The following FBXW11 variants were observed in gnomAD, a reference collection of about 807,000 sequenced individuals.
FBXW11 encodes the protein F-box and WD repeat domain containing 11, also known as F-box/WD repeat-containing protein 11.
FBXW11 carries 19 observed loss-of-function variants against 77.6 expected under a neutral mutation model. The ratio of observed to expected loss-of-function variants is 0.24; its 90% CI spans 0.17 to 0.36. FBXW11 has a LOEUF of 0.36. Ranked by LOEUF, FBXW11 falls within the 10% of genes least tolerant of loss-of-function variation. The probability of loss-of-function intolerance (pLI) is 1.00; values close to 1 mark genes in which losing one functional copy is unlikely to be tolerated. For missense variants in FBXW11, 334 were observed against 704.2 expected, an observed-to-expected ratio of 0.47 and a Z score of 5.95; for synonymous variants, 235 against 249.4, an observed-to-expected ratio of 0.94 and a Z score of 0.54.
intron 9 of FBXW11, among the ~76,000 whole-genome samples, chr5:171,875,669 T>C (rs1022450753): frequency 6.6e-6 from 1 of 152,162 alleles, no homozygotes; most frequent in Non-Finnish European, 1.5e-5. Flanking sequence ...AGCTGAGATA[T>C]TGGAATCAGG....
chr5:171,997,983 T>C (rs1483260965), intron 1 of FBXW11, among the ~76,000 whole-genome samples: 1 of 152,156 alleles, frequency 6.6e-6, no homozygotes, highest in Admixed American at 6.5e-5. Context: ...TAATTACCCA[T>C]ATTTAATTCT....
chr5:171,865,281 A>C (rs1757316149), intron 13 of FBXW11, among the ~76,000 whole-genome samples: 1 of 151,886 alleles, frequency 6.6e-6, no homozygotes. Flanking sequence ...TTAAAGTATA[A>C]TTAAAAAAAA....
chr5:171,955,848 G>A (rs1046271071), intron 2 of FBXW11, among the ~76,000 whole-genome samples: 43 of 151,666 alleles, frequency 2.8e-4, no homozygotes, highest in African/African-American at 1.0e-3. Context: ...TCCTTCTTAA[G>A]TGAATTTCAC....
chr5:171,949,435 G>A (rs1315162235), intron 2 of FBXW11, among the ~76,000 whole-genome samples: 1 of 152,110 alleles, frequency 6.6e-6, no homozygotes, highest in Non-Finnish European at 1.5e-5. Context: ...AGATTGCAAA[G>A]CACAATGCTA....
At chr5:171,954,023 G>A (rs112115044) in intron 2 of FBXW11, among the ~76,000 whole-genome samples, 2 of 152,142 alleles carry the variant, frequency 1.3e-5, no homozygotes, top group African/African-American at 4.8e-5. Context: ...CAATTCACGT[G>A]ATCCTCACTG....
intron 2 of FBXW11, among the ~76,000 whole-genome samples, chr5:171,945,954 C>T (rs1762987266): frequency 6.6e-6 from 1 of 152,050 alleles, no homozygotes; most frequent in Non-Finnish European, 1.5e-5. Context: ...GGTTATATGG[C>T]CAGTTGTTTG....
In FBXW11 at chr5:171,910,598, T is replaced by C; in HGVS notation, c.410A>G (p.Gln137Arg). 1 of 1,613,522 alleles carries C rather than the reference T, an allele frequency of 6.2e-7. No homozygotes were observed. Among genetic ancestry groups the C allele is most frequent in the Non-Finnish European group, 8.5e-7 (1 of 1,179,740 alleles). ...HINSYLKPML[Q>R]RDFITALPEQ... Reference sequence around the variant, plus strand: ...TGGTAAAGCGGTAATAAAGTCCCGCTGCAACATGGGCTTCAGGTAAGAGTT... The same window carrying C: ...TGGTAAAGCGGTAATAAAGTCCCGCCGCAACATGGGCTTCAGGTAAGAGTT... The change falls in exon 4 of 14, where the codon CAG becomes CGG. Residue 137 changes from glutamine (Q) to arginine (R), a missense_variant. Transcript: ENST00000517395.
At chr5:171,887,860 T>C (rs1423195247) in intron 7 of FBXW11, among the ~76,000 whole-genome samples, 1 of 152,050 alleles carries the variant, frequency 6.6e-6, no homozygotes, top group African/African-American at 2.4e-5. Context: ...GGTTTCACCA[T>C]GTTGGCCAGG....
chr5:171,955,472 CTTCT>C (rs1581250597), intron 2 of FBXW11, among the ~76,000 whole-genome samples: 1 of 152,118 alleles, frequency 6.6e-6, no homozygotes, highest in East Asian at 1.9e-4. Flanking sequence ...AGCAACAGGC[CTTCT>C]TTGAGAGCCC....
Position 171,868,594 on chromosome 5 carries a change from A to G in FBXW11, c.*25+16T>C. On this transcript the variant is annotated intron_variant, in intron 13 of 13. Coordinates refer to ENST00000517395, the MANE Select transcript of FBXW11 (RefSeq NM_001378974.1). ...ATTCAATCAGCAAAATTGGAAGGGGAGAGGATAGTACTCACCTGAAACGGG... is the reference window on the plus strand; with the variant it reads ...ATTCAATCAGCAAAATTGGAAGGGGGGAGGATAGTACTCACCTGAAACGGG... The G allele has an allele frequency of 6.4e-7, 1 of 1,564,202 alleles. No homozygotes were observed.
chr5:171,899,030 A>T lies in FBXW11; in HGVS notation c.688T>A (p.Tyr230Asn). 6.2e-7 allele frequency: 1 copy of T among 1,607,424 alleles called. No homozygotes were observed. ...TCTATATCCTGGATAATCTTTGGGT[A>T]TAATGACCTATAAAATGAATTTGGA... Reference protein sequence around the residue: ...GPPNSFYRSLYPKIIQDIETI... With the variant: ...GPPNSFYRSLNPKIIQDIETI... The change falls in exon 6 of 14, where the codon TAC (tyrosine) becomes AAC (asparagine). Residue 230 changes from tyrosine (Y) to asparagine (N), a missense_variant. Tyr to Asn is a moderately radical substitution (Grantham distance 143). Around this residue, in one of 10 missense-constraint regions of FBXW11, gnomAD observed 70 missense variants for 136.6 expected, o/e 0.51. Coordinates refer to ENST00000517395, the MANE Select transcript of FBXW11 (RefSeq NM_001378974.1).
At chr5:171,883,762 A>G (rs1051650744) in intron 7 of FBXW11, among the ~76,000 whole-genome samples, 1 of 151,940 alleles carries the variant, frequency 6.6e-6, no homozygotes, top group African/African-American at 2.4e-5. Flanking sequence ...TCCTGTGTTG[A>G]GCATTTTTTC....
intron 1 of FBXW11, among the ~76,000 whole-genome samples, chr5:172,003,607 A>T (rs1766550433): frequency 6.6e-6 from 1 of 152,126 alleles, no homozygotes; most frequent in Non-Finnish European, 1.5e-5. Flanking sequence ...CTAAATTAAG[A>T]GCTTATAGAC....
chr5:171,926,962 A>G (rs1761922730), intron 2 of FBXW11, among the ~76,000 whole-genome samples: 1 of 152,208 alleles, frequency 6.6e-6, no homozygotes, highest in Non-Finnish European at 1.5e-5. Flanking sequence ...GACTCTATCA[A>G]CTAGATATTC....
At chr5:171,864,488 T>C (rs1254812030) in intron 13 of FBXW11, among the ~76,000 whole-genome samples, 1 of 152,226 alleles carries the variant, frequency 6.6e-6, no homozygotes, top group Non-Finnish European at 1.5e-5. Context: ...CATTCGATTT[T>C]ATATTTAGCA....
chr5:171,930,786 A>T (rs1762152106), intron 2 of FBXW11, among the ~76,000 whole-genome samples: 1 of 150,594 alleles, frequency 6.6e-6, no homozygotes, highest in Non-Finnish European at 1.5e-5. Context: ...AGAAAAACTG[A>T]AAGAATTAAC....
chr5:171,967,877 T>C (rs1339163065), intron 1 of FBXW11, among the ~76,000 whole-genome samples: 34 of 58,622 alleles, frequency 5.8e-4, no homozygotes, highest in South Asian at 3.2e-3. Context: ...TATATATATA[T>C]ATATATACAC....
intron 1 of FBXW11, among the ~76,000 whole-genome samples, chr5:171,960,444 C>G (rs548811905): frequency 2.1e-4 from 32 of 152,232 alleles, no homozygotes; most frequent in Admixed American, 1.8e-3. Flanking sequence ...AAAGCTCATA[C>G]GTAAATCAAT....
At position 171,872,894 on chromosome 5, in the gene FBXW11, C is replaced by T; in HGVS notation, c.1318G>A (p.Gly440Arg). The T allele has an allele frequency of 6.2e-7, 1 of 1,613,942 alleles. No homozygotes were observed. Among genetic ancestry groups the T allele is most frequent in the South Asian group, 1.1e-5 (1 of 91,062 alleles). ...CACCTAATGGTATTATCTGATGATCCACTAACAACCAGGCGATCCCTGTAC... is the reference window on the plus strand; with the variant it reads ...CACCTAATGGTATTATCTGATGATCTACTAACAACCAGGCGATCCCTGTAC... The part of the protein sequence containing the change: ...LQYRDRLVVS[G>R]SSDNTIRLWD... The change falls in exon 10 of 14, where the codon GGA becomes AGA. Residue 440 changes from glycine (G) to arginine (R), a missense_variant. Transcript: ENST00000517395.
Sources: gnomAD v4.1 joint callset for allele counts (sites outside exome capture counted in the v4.1 genomes callset) on GRCh38, gnomAD v4.1.1 for gene constraint, gnomAD v4.1.1 regional missense constraint, MANE v1.5 for transcripts, NCBI Gene and HGNC (gene_info 2026-07-23, HGNC 2026-07-21) for gene names.